The following UBE2Z variants were observed in gnomAD, a reference collection of about 807,000 sequenced individuals.
The protein encoded by UBE2Z is ubiquitin conjugating enzyme E2 Z, also known as ubiquitin-conjugating enzyme E2 Z.
UBE2Z carries 10 observed loss-of-function variants against 32.6 expected under a neutral mutation model. The ratio of observed to expected loss-of-function variants is 0.31; its 90% CI spans 0.19 to 0.52. UBE2Z has a LOEUF of 0.52. UBE2Z is among the 20% of genes least tolerant of loss of function. The pLI is 0.97. For missense variants in UBE2Z, 343 were observed against 480.9 expected, an observed-to-expected ratio of 0.71 and a Z score of 2.68; for synonymous variants, 183 against 190.8, an observed-to-expected ratio of 0.96 and a Z score of 0.34.
At chr17:48,925,410 ATG>A in intron 6 of UBE2Z, among the ~76,000 whole-genome samples, 2 of 152,066 alleles carry the variant, frequency 1.3e-5, no homozygotes, top group Admixed American at 6.6e-5. Flanking sequence ...GTAGGAGGAG[ATG>A]ACTTATGCCC....
intron 5 of UBE2Z, among the ~76,000 whole-genome samples, chr17:48,922,318 C>T (rs1415275659): frequency 2.6e-5 from 4 of 151,714 alleles, no homozygotes; most frequent in East Asian, 1.9e-4. Context: ...ACCTGGGAGG[C>T]GGAGGTTGCA....
intron 4 of UBE2Z, among the ~76,000 whole-genome samples, chr17:48,920,946 C>T (rs1393383700): frequency 1.3e-5 from 2 of 151,874 alleles, no homozygotes; most frequent in Non-Finnish European, 2.9e-5. Flanking sequence ...GGCCAAATGA[C>T]CTGTAACCTG....
In UBE2Z at chr17:48,926,944, C is replaced by T; in HGVS notation, c.895-20C>T. ...CACCCAGACTTGAATCTTCCATCCCCTTGTCTCCTTTCCCCACAGGACCCT... is the reference window on the plus strand; with the variant it reads ...CACCCAGACTTGAATCTTCCATCCCTTTGTCTCCTTTCCCCACAGGACCCT... On this transcript the variant is annotated intron_variant, in intron 6 of 6. Transcript: ENST00000360943. 1.2e-6 allele frequency: 2 copies of T among 1,607,182 alleles called. No homozygotes were observed. The highest frequency in any genetic ancestry group is 8.5e-7 in the Non-Finnish European group (1 of 1,176,534).
Position 48,908,431 on chromosome 17 carries a change from C to T in UBE2Z, c.-73C>T. 7 of 1,181,634 alleles carry T rather than the reference C, an allele frequency of 5.9e-6. No homozygotes were observed. The highest frequency in any genetic ancestry group is 1.6e-5 in the African/African-American group (1 of 62,250). The allele number at this position is 1,181,634 out of a possible 1,614,324, so 73.2% of individuals were successfully genotyped here. A position where few individuals can be genotyped will look rare whatever the true frequency, so the allele number is the denominator to read the frequency against. On this transcript the variant is annotated 5_prime_UTR_variant, in exon 1 of 7. Coordinates refer to ENST00000360943, the MANE Select transcript of UBE2Z (RefSeq NM_023079.5). The stretch of plus-strand genomic sequence containing the variant: ...CACTCTGGCCCGGTTCTCGGTGGTG[C>T]GGGAGCGGGCGGGAGCAGCGGCCGC...
intron 6 of UBE2Z, among the ~76,000 whole-genome samples, chr17:48,923,359 G>T (rs1488386508): frequency 6.8e-6 from 1 of 146,864 alleles, no homozygotes; most frequent in Non-Finnish European, 1.5e-5. Context: ...AGCCAGGCGC[G>T]GTGGCTCACG....
intron 3 of UBE2Z, among the ~76,000 whole-genome samples, chr17:48,915,282 C>T (rs1446143817): frequency 6.6e-6 from 1 of 152,128 alleles, no homozygotes; most frequent in Non-Finnish European, 1.5e-5. Flanking sequence ...CTTGGGCTTT[C>T]CTCAAGTACA....
intron 4 of UBE2Z, among the ~76,000 whole-genome samples, chr17:48,917,322 A>G (rs1217411910): frequency 6.6e-6 from 1 of 152,036 alleles, no homozygotes; most frequent in African/African-American, 2.4e-5. Context: ...TAATAATAAT[A>G]ATGAATTTTT....
intron 4 of UBE2Z, among the ~76,000 whole-genome samples, chr17:48,917,808 C>T (rs1049086325): frequency 3.3e-5 from 5 of 152,176 alleles, no homozygotes; most frequent in African/African-American, 1.2e-4. Flanking sequence ...GGACCCCAGA[C>T]TTACATTGGA....
chr17:48,922,738 A>G (rs975955858), intron 5 of UBE2Z, 109 bp from the exon 6 acceptor site: 7 of 748,686 alleles, frequency 9.3e-6, no homozygotes, highest in South Asian at 2.2e-5. Flanking sequence ...CTGCACTCCA[A>G]CATGGGCTAC....
Position 48,927,269 on chromosome 17 carries a change from G to C in UBE2Z, c.*135G>C, listed in dbSNP as rs548771558. 9.3e-6 allele frequency: 9 copies of C among 966,874 alleles called. No homozygotes were observed. In the African/African-American group the frequency reaches 1.5e-4, roughly 16 times the overall value. 59.9% of individuals were successfully genotyped at this position (966,874 alleles called of 1,614,324 possible). A position where few individuals can be genotyped will look rare whatever the true frequency, so the allele number is the denominator to read the frequency against. ...CTGCAAGATGGCAAGAACCAAGCAA[G>C]CTCCGATCCCAGGGTGTGGGAGTGG... On this transcript the variant is annotated 3_prime_UTR_variant, in exon 7 of 7. Transcript: ENST00000360943.
rs2040770277 is a variant in UBE2Z at position 48,922,869 on chromosome 17, C to T, written c.826C>T (p.Leu276=). 1.2e-6 allele frequency: 2 copies of T among 1,612,614 alleles called. No individual in the cohort carries two copies. Among genetic ancestry groups the T allele is most frequent in the Non-Finnish European group, 1.7e-6 (2 of 1,178,982 alleles). ...CAGAGGGGTGATGGAGAAGTCCTTT[C>T]TGGAGTATTACGACTTCTACGAGGT... is the stretch of plus-strand genomic sequence containing the variant. ...PLRGVMEKSF[L]EYYDFYEVAC... is the part of the protein sequence containing the mutation. The change falls in exon 6 of 7, where the codon CTG becomes TTG. Residue 276 remains leucine (L), a synonymous_variant. Transcript: ENST00000360943.
chr17:48,925,563 A>G (rs762217709), intron 6 of UBE2Z, among the ~76,000 whole-genome samples: 3 of 152,164 alleles, frequency 2.0e-5, no homozygotes, highest in African/African-American at 7.2e-5. Context: ...TATCAATGAC[A>G]TATGTCCTAG....
intron 2 of UBE2Z, chr17:48,911,792 A>G (rs9894220): frequency 0.41 from 62,260 of 152,084 alleles, 13,009 homozygotes; most frequent in Admixed American, 0.51. Context: ...TGAGTTTACT[A>G]TTCCAAATGA....
intron 2 of UBE2Z, chr17:48,911,136 CT>C: frequency 2.1e-6 from 1 of 486,954 alleles, no homozygotes; most frequent in East Asian, 3.4e-5. Flanking sequence ...CGCAGCTTGA[CT>C]ATTTATAGGG....
intron 4 of UBE2Z, among the ~76,000 whole-genome samples, chr17:48,916,465 C>G (rs1469864327): frequency 1.3e-5 from 2 of 151,482 alleles, no homozygotes; most frequent in African/African-American, 4.8e-5. Flanking sequence ...ATTGGCCAGG[C>G]TGGTCTCCAG....
In UBE2Z at chr17:48,921,234, C is replaced by T; in HGVS notation, c.765C>T (p.Asp255=). 1 of 1,612,830 alleles carries T rather than the reference C, an allele frequency of 6.2e-7. No homozygotes were observed. Among genetic ancestry groups the T allele is most frequent in the Non-Finnish European group, 8.5e-7 (1 of 1,179,474 alleles). Residue 255 remains aspartate (D), a synonymous_variant, in exon 5 of 7, where the codon GAC becomes GAT. Transcript: ENST00000360943. ...RHETIRVAVC[D]MMEGKCPCPE... The stretch of plus-strand genomic sequence containing the variant: ...AGACCATCAGAGTTGCAGTCTGTGA[C>T]ATGATGGAAGGAAAGTGTCCCTGTC...
rs2040649397 is a variant in UBE2Z at position 48,908,810 on chromosome 17, C to A, written c.307C>A (p.Arg103=). ...GERTAPQCLL[R]IKRDIMSIYK... ...GCGCACCGCGCCGCAGTGTCTACTC[C>A]GGATCAAGCGGTGAGCCGGGGTTTT... is the stretch of plus-strand genomic sequence containing the variant. Residue 103 remains arginine (R), a synonymous_variant, in exon 1 of 7, where the codon CGG becomes AGG. Transcript: ENST00000360943. 8 of 1,501,456 alleles carry A rather than the reference C, an allele frequency of 5.3e-6. No individual in the cohort carries two copies. The highest frequency in any genetic ancestry group is 7.1e-6 in the Non-Finnish European group (8 of 1,129,860). The allele number at this position is 1,501,456 out of a possible 1,614,324, so 93.0% of individuals were successfully genotyped here. A position where few individuals can be genotyped will look rare whatever the true frequency, so the allele number is the denominator to read the frequency against.
intron 3 of UBE2Z, among the ~76,000 whole-genome samples, chr17:48,915,257 A>G (rs2040710660): frequency 6.6e-6 from 1 of 152,160 alleles, no homozygotes; most frequent in South Asian, 2.1e-4. Flanking sequence ...TGAAGTTACT[A>G]TTAGGCATTA....
At chr17:48,925,241 C>T (rs930912406) in intron 6 of UBE2Z, among the ~76,000 whole-genome samples, 2 of 147,900 alleles carry the variant, frequency 1.4e-5, no homozygotes, top group South Asian at 2.1e-4. Flanking sequence ...CCCGAGATCA[C>T]GTTGCACTCT....
Sources: gnomAD v4.1 joint callset for allele counts (sites outside exome capture counted in the v4.1 genomes callset) on GRCh38, gnomAD v4.1.1 for gene constraint, MANE v1.5 for transcripts, NCBI Gene and HGNC (gene_info 2026-07-23, HGNC 2026-07-21) for gene names.